Variants in PDS5B observed in about 807,000 individuals in gnomAD.
PDS5B encodes sister chromatid cohesion protein PDS5 homolog B.
PDS5B carries 51 observed loss-of-function variants against 184.1 expected under a neutral mutation model. The ratio of observed to expected loss-of-function variants is 0.28; its 90% CI spans 0.22 to 0.35. The LOEUF (loss-of-function observed/expected upper bound fraction) is 0.35, where lower values mean the gene tolerates loss of function less well. PDS5B is among the 10% of genes least tolerant of loss of function. The probability of loss-of-function intolerance (pLI) is 1.00; values close to 1 mark genes in which losing one functional copy is unlikely to be tolerated. For missense variants in PDS5B, 1,180 were observed against 1,723.3 expected, an observed-to-expected ratio of 0.68 and a Z score of 5.58; for synonymous variants, 566 against 569.2, an observed-to-expected ratio of 0.99 and a Z score of 0.08.
chr13:32,643,268 G>T (rs1950143479), intron 1 of PDS5B, among the ~76,000 whole-genome samples: 2 of 152,114 alleles, frequency 1.3e-5, no homozygotes, highest in Admixed American at 1.3e-4. Context: ...TTGAAGGAAT[G>T]TAACTATGAA....
At chr13:32,593,754 G>T (rs7981943) in intron 1 of PDS5B, among the ~76,000 whole-genome samples, 60,898 of 151,950 alleles carry the variant, frequency 0.4, 12,626 homozygotes, top group African/African-American at 0.49. Flanking sequence ...CGTAAAGGTC[G>T]TCAGCCTTCT....
At chr13:32,591,344 C>T (rs2057772504) in intron 1 of PDS5B, among the ~76,000 whole-genome samples, 1 of 151,952 alleles carries the variant, frequency 6.6e-6, no homozygotes. Flanking sequence ...GTCTCAAACT[C>T]CTGACCTCGT....
Position 32,775,718 on chromosome 13 carries a change from C to G in PDS5B, c.*666C>G. On this transcript the variant is annotated 3_prime_UTR_variant, in exon 35 of 35. Coordinates refer to ENST00000315596, the MANE Select transcript of PDS5B (RefSeq NM_015032.4). ...CCTGAAGTTCTTGGATTACTTTACA[C>G]CTCAGTATTGATTTGTCCCAGAATT... 1 of 451,872 alleles carries G rather than the reference C, an allele frequency of 2.2e-6. No homozygotes were observed. Among genetic ancestry groups the G allele is most frequent in the Non-Finnish European group, 4.4e-6 (1 of 225,268 alleles). The allele number at this position is 451,872 out of a possible 1,614,324, so 28.0% of individuals were successfully genotyped here.
chr13:32,740,899 A>G (rs1953518282), intron 21 of PDS5B, among the ~76,000 whole-genome samples, 181 bp from the exon 22 acceptor site: 1 of 151,816 alleles, frequency 6.6e-6, no homozygotes, highest in South Asian at 2.1e-4. Context: ...TAGTGAAGGT[A>G]TGCCTTTCAA....
chr13:32,693,487 T>C (rs1951611998), intron 13 of PDS5B, among the ~76,000 whole-genome samples: 1 of 151,798 alleles, frequency 6.6e-6, no homozygotes, highest in South Asian at 2.1e-4. Context: ...GCCTCTGTGT[T>C]ACTGCTTTTT....
chr13:32,680,407 C>G (rs957572287), intron 10 of PDS5B, among the ~76,000 whole-genome samples: 1 of 152,134 alleles, frequency 6.6e-6, no homozygotes, highest in Non-Finnish European at 1.5e-5. Context: ...TAGATACTTC[C>G]TCTTCATCCT....
chr13:32,613,283 G>C (rs748359438), intron 1 of PDS5B, among the ~76,000 whole-genome samples: 5 of 152,168 alleles, frequency 3.3e-5, no homozygotes, highest in Non-Finnish European at 2.9e-5. Context: ...TCACATGGTA[G>C]TTCCATGTTT....
At chr13:32,621,187 G>A (rs966828243) in intron 1 of PDS5B, among the ~76,000 whole-genome samples, 3 of 152,112 alleles carry the variant, frequency 2.0e-5, no homozygotes, top group African/African-American at 4.8e-5. Flanking sequence ...GGAATGGCTG[G>A]GTGCGGTGGC....
chr13:32,760,006 G>A (rs1460347984), intron 29 of PDS5B, among the ~76,000 whole-genome samples: 2 of 152,124 alleles, frequency 1.3e-5, no homozygotes, highest in Admixed American at 1.3e-4. Flanking sequence ...GCCCAGGCTG[G>A]AGTGCAGTGG....
chr13:32,590,273 T>C (rs1219034494), intron 1 of PDS5B, among the ~76,000 whole-genome samples: 2 of 152,220 alleles, frequency 1.3e-5, no homozygotes, highest in African/African-American at 4.8e-5. Context: ...GCCATTCTCT[T>C]TTTTGACGGA....
chr13:32,732,086 A>AT lies in PDS5B; in HGVS notation c.2124-6dup, dbSNP rs548448459. The AT allele has an allele frequency of 1.1e-3, 1,761 of 1,572,822 alleles. 3 individuals carry two copies. The highest frequency in any genetic ancestry group is 3.3e-3 in the East Asian group (145 of 44,098). ...TTTTCTGGTTTATTGTTTTTCTTTG[A>AT]TTTTTTTTTAATAGAGCCTTGCTTC... On this transcript the variant is annotated splice_polypyrimidine_tract_variant and intron_variant, in intron 19 of 34. Coordinates refer to ENST00000315596, the MANE Select transcript of PDS5B (RefSeq NM_015032.4).
At chr13:32,757,896 T>C (rs1954241284) in intron 26 of PDS5B, among the ~76,000 whole-genome samples, 191 bp from the exon 27 acceptor site, 1 of 152,110 alleles carries the variant, frequency 6.6e-6, no homozygotes. Context: ...ATATCTGCAT[T>C]GTTGACCTGT....
intron 19 of PDS5B, among the ~76,000 whole-genome samples, chr13:32,725,966 G>T (rs1423559757): frequency 6.6e-6 from 1 of 151,832 alleles, no homozygotes; most frequent in African/African-American, 2.4e-5. Context: ...CTAGCACATG[G>T]ATACATACCC....
chr13:32,690,635 T>G (rs1951522741), intron 13 of PDS5B: 1 of 152,154 alleles, frequency 6.6e-6, no homozygotes, highest in African/African-American at 2.4e-5. Context: ...ACACAAAGTA[T>G]AGTTGTTATA....
At chr13:32,727,749 G>A (rs1952961004) in intron 19 of PDS5B, among the ~76,000 whole-genome samples, 1 of 151,986 alleles carries the variant, frequency 6.6e-6, no homozygotes, top group South Asian at 2.1e-4. Context: ...ATAATAATAT[G>A]CCTTGAAATG....
intron 1 of PDS5B, among the ~76,000 whole-genome samples, chr13:32,646,369 G>GTTTTTTTTTTTTTTT (rs58539534): frequency 1.9e-5 from 2 of 106,070 alleles, no homozygotes; most frequent in Non-Finnish European, 3.5e-5. Context: ...TCATGGCTGT[G>GTTTTTTTTTTTTTTT]TTTTTTTTTT....
At chr13:32,701,596 GCA>G (rs34184885) in intron 17 of PDS5B, among the ~76,000 whole-genome samples, 158 bp downstream of exon 17, 23 of 142,170 alleles carry the variant, frequency 1.6e-4, no homozygotes, top group African/African-American at 2.8e-4. Flanking sequence ...ATTTGTATAT[GCA>G]CACACACACA....
intron 1 of PDS5B, among the ~76,000 whole-genome samples, chr13:32,611,443 A>G (rs1180728122): frequency 6.7e-6 from 1 of 150,192 alleles, no homozygotes; most frequent in African/African-American, 2.4e-5. Context: ...TCCATCCTTC[A>G]GTAATTGTTA....
intron 1 of PDS5B, among the ~76,000 whole-genome samples, chr13:32,592,276 C>T (rs559765469): frequency 1.7e-4 from 26 of 152,054 alleles, no homozygotes; most frequent in Middle Eastern, 3.4e-3. Context: ...TTTTTTGAGA[C>T]GGAGTTTCGC....
Sources: gnomAD v4.1 joint callset for allele counts (sites outside exome capture counted in the v4.1 genomes callset) on GRCh38, gnomAD v4.1.1 for gene constraint, MANE v1.5 for transcripts, NCBI Gene and HGNC (gene_info 2026-07-23, HGNC 2026-07-21) for gene names.